FAM110B: variants seen among roughly 807,000 people sequenced by gnomAD.
FAM110B encodes protein FAM110B.
In FAM110B, 6 loss-of-function variants were observed where a neutral mutation model predicts 20.4. The observed-to-expected ratio is 0.29, with a 90% CI of 0.16 to 0.58. The LOEUF (loss-of-function observed/expected upper bound fraction) is 0.58. Among genes scored for constraint, FAM110B ranks in the 20% least tolerant of loss-of-function variants. The probability of loss-of-function intolerance (pLI) is 0.90; values close to 1 mark genes in which losing one functional copy is unlikely to be tolerated. For missense variants in FAM110B, 434 were observed against 498.2 expected, an observed-to-expected ratio of 0.87 and a Z score of 1.23; for synonymous variants, 226 against 214.1, an observed-to-expected ratio of 1.06 and a Z score of -0.49.
chr8:58,055,681 A>G (rs1216117332), intron 2 of FAM110B, among the ~76,000 whole-genome samples: 1 of 152,184 alleles, frequency 6.6e-6, no homozygotes, highest in Non-Finnish European at 1.5e-5. Context: ...CCTTGTTGAG[A>G]GCCAATCCTA....
At chr8:58,016,661 C>T (rs1022906424) in intron 1 of FAM110B, among the ~76,000 whole-genome samples, 7 of 152,166 alleles carry the variant, frequency 4.6e-5, no homozygotes, top group African/African-American at 1.7e-4. Context: ...CTGTTTGCCT[C>T]GTGGTGTTGC....
At chr8:58,117,451 C>A (rs1197586324) in intron 3 of FAM110B, among the ~76,000 whole-genome samples, 2 of 152,144 alleles carry the variant, frequency 1.3e-5, no homozygotes, top group Admixed American at 1.3e-4. Context: ...AGGCTTTAAC[C>A]TCTCAGCACC....
chr8:58,091,952 A>G (rs1301642582), intron 3 of FAM110B, among the ~76,000 whole-genome samples: 2 of 152,206 alleles, frequency 1.3e-5, no homozygotes, highest in African/African-American at 4.8e-5. Flanking sequence ...CTAGCTTTTT[A>G]AAAGTTATAA....
At chr8:58,118,562 C>T (rs962075882) in intron 3 of FAM110B, among the ~76,000 whole-genome samples, 6 of 152,114 alleles carry the variant, frequency 3.9e-5, no homozygotes, top group African/African-American at 9.7e-5. Context: ...CAGGGTGGGG[C>T]GTGGTACCTG....
intron 1 of FAM110B, among the ~76,000 whole-genome samples, chr8:58,024,172 C>CTTTTT (rs10651271): frequency 0.11 from 14,143 of 128,986 alleles, 846 homozygotes; most frequent in East Asian, 0.2. Context: ...TTTCACTGTG[C>CTTTTT]TTTTTTTTTT....
chr8:58,097,624 G>A (rs143087231), intron 3 of FAM110B, among the ~76,000 whole-genome samples: 3,539 of 152,232 alleles, frequency 0.023, 59 homozygotes, highest in Non-Finnish European at 0.031. Context: ...GAGAAGAGGC[G>A]TTCTGGTTTT....
rs1167861109 is a variant in FAM110B, at chr8:57,996,577, A to G, written c.-512+1771A>G. Among the ~76,000 whole-genome samples, 3 of 152,280 alleles carry G rather than the reference A, an allele frequency of 2.0e-5. No individual in the cohort carries two copies. In the South Asian group the frequency reaches 6.2e-4, roughly 32 times the overall value. Reference sequence around the variant, plus strand: ...TCTAAGGGCAAGACATCAGTCTTGAACCCAGTCATGCCCTGGTGCCTTTCA... The same window carrying G: ...TCTAAGGGCAAGACATCAGTCTTGAGCCCAGTCATGCCCTGGTGCCTTTCA... On this transcript the variant is annotated intron_variant, in intron 1 of 3. Coordinates refer to ENST00000519262, the MANE Select transcript of FAM110B (RefSeq NM_001377989.1).
intron 2 of FAM110B, among the ~76,000 whole-genome samples, chr8:58,065,499 TAA>T (rs1357222622): frequency 1.3e-5 from 2 of 152,170 alleles, no homozygotes; most frequent in African/African-American, 2.4e-5. Context: ...GAAGGGAAGC[TAA>T]AGTCTTAGGA....
At chr8:58,050,354 C>G (rs1805414457) in intron 2 of FAM110B, among the ~76,000 whole-genome samples, 1 of 152,126 alleles carries the variant, frequency 6.6e-6, no homozygotes, top group Non-Finnish European at 1.5e-5. Context: ...TAACAGATTT[C>G]CACAGACAGT....
In FAM110B at chr8:58,004,107, A is replaced by C. The variant is rs567448009; in HGVS notation, c.-512+9301A>C. 5.3e-5 allele frequency among the ~76,000 whole-genome samples: 8 copies of C among 152,312 alleles called. No individual in the cohort carries two copies. In the South Asian group the frequency reaches 1.0e-3, roughly 20 times the overall value. ...ACATTTTTCATTAGATTCTCCTAAG[A>C]AGCACGCAACCCAGATCCCTTGCAT... On this transcript the variant is annotated intron_variant, in intron 1 of 3. Coordinates refer to ENST00000519262, the MANE Select transcript of FAM110B (RefSeq NM_001377989.1).
Position 58,030,969 on chromosome 8 carries a change from G to A in FAM110B, c.-511-637G>A, listed in dbSNP as rs1170591639. Among the ~76,000 whole-genome samples the A allele has an allele frequency of 5.3e-5, 8 of 152,034 alleles. No individual in the cohort carries two copies. The East Asian group carries it at 1.3e-3, about 26-fold the overall frequency. On this transcript the variant is annotated intron_variant, in intron 1 of 3. Transcript: ENST00000519262. ...CGTTTGTAAAAAGGAGTCATTTCTC[G>A]GTCCAGTCGATGTTAATTTTTGCTG...
intron 2 of FAM110B, among the ~76,000 whole-genome samples, chr8:58,046,712 A>C (rs978218158): frequency 6.6e-6 from 1 of 152,156 alleles, no homozygotes; most frequent in South Asian, 2.1e-4. Context: ...TTAATTTTCA[A>C]CTCCTATCAT....
At chr8:58,006,243 A>G (rs755739156) in intron 1 of FAM110B, among the ~76,000 whole-genome samples, 1 of 152,244 alleles carries the variant, frequency 6.6e-6, no homozygotes, top group Non-Finnish European at 1.5e-5. Flanking sequence ...GCAGTTGCAT[A>G]TAACTAAAAC....
At chr8:58,077,378 C>G (rs567842564) in intron 3 of FAM110B, among the ~76,000 whole-genome samples, 2 of 152,158 alleles carry the variant, frequency 1.3e-5, no homozygotes, top group Non-Finnish European at 2.9e-5. Context: ...CATGTTGCTC[C>G]CTCTTGTGAT....
At chr8:58,051,723 A>C (rs897515353) in intron 2 of FAM110B, among the ~76,000 whole-genome samples, 1 of 152,224 alleles carries the variant, frequency 6.6e-6, no homozygotes, top group African/African-American at 2.4e-5. Context: ...AGATAGATGT[A>C]TATTAGTATT....
At chr8:58,013,027 C>T (rs80046962) in intron 1 of FAM110B, among the ~76,000 whole-genome samples, 20 of 152,216 alleles carry the variant, frequency 1.3e-4, no homozygotes, top group African/African-American at 3.1e-4. Context: ...TGCTTCCCCC[C>T]GGGCTGTCAC....
At chr8:58,122,033 T>G (rs1807375346) in intron 3 of FAM110B, among the ~76,000 whole-genome samples, 1 of 152,218 alleles carries the variant, frequency 6.6e-6, no homozygotes. Context: ...TAAAGGGGCC[T>G]GGAAAGTATA....
At chr8:58,095,156 G>C (rs1563368085) in intron 3 of FAM110B, among the ~76,000 whole-genome samples, 1 of 152,212 alleles carries the variant, frequency 6.6e-6, no homozygotes, top group East Asian at 1.9e-4. Flanking sequence ...AGTCTGGCTA[G>C]TGGTCTATCT....
At chr8:58,014,638 AT>A (rs751928928) in intron 1 of FAM110B, among the ~76,000 whole-genome samples, 5 of 152,180 alleles carry the variant, frequency 3.3e-5, no homozygotes, top group Non-Finnish European at 7.3e-5. Context: ...GCAGTTCCTA[AT>A]TTTTAAAATA....
Sources: gnomAD v4.1 joint callset for allele counts (sites outside exome capture counted in the v4.1 genomes callset) on GRCh38, gnomAD v4.1.1 for gene constraint, MANE v1.5 for transcripts, NCBI Gene and HGNC (gene_info 2026-07-23, HGNC 2026-07-21) for gene names.